Variants in TRIM55 observed in about 807,000 individuals in gnomAD.
TRIM55 encodes tripartite motif containing 55, also known as tripartite motif-containing protein 55.
TRIM55 carries 50 observed loss-of-function variants against 60.9 expected under a neutral mutation model. That is an observed-to-expected ratio of 0.82 (90% CI 0.65 to 1.04). TRIM55 has a LOEUF of 1.04. Ranked by LOEUF, TRIM55 falls within the 50% of genes least tolerant of loss-of-function variation. The pLI is 0.00. For missense variants in TRIM55, 681 were observed against 666.9 expected (o/e 1.02, Z -0.23); for synonymous variants, 237 against 238.1 (o/e 1.00, Z 0.04).
the TRIM55 span, chr8:66,114,575 G>T: frequency 2.2e-6 from 1 of 456,340 alleles, no homozygotes; most frequent in East Asian, 6.9e-5. Flanking sequence ...CTCATCTGAG[G>T]CTAAGCTGCC....
intron 8 of TRIM55, 92 bp downstream of exon 8, chr8:66,152,719 A>C: frequency 3.4e-6 from 5 of 1,483,448 alleles, no homozygotes; most frequent in Non-Finnish European, 4.5e-6. Context: ...CCTTAAGAAA[A>C]AGATAACTAT....
At chr8:66,113,362 A>G in the TRIM55 span, 3 of 376,322 alleles carry the variant, frequency 8.0e-6, no homozygotes, top group East Asian at 7.4e-5. Flanking sequence ...ACACACGTAC[A>G]CGTCCCTTCG....
chr8:66,164,985 T>C (rs894654681), intron 9 of TRIM55, among the ~76,000 whole-genome samples: 2 of 151,492 alleles, frequency 1.3e-5, no homozygotes, highest in African/African-American at 2.4e-5. Flanking sequence ...AGGGGACTTA[T>C]GGTTTAAATG....
At chr8:66,139,726 T>C (rs1809693877) in intron 4 of TRIM55, among the ~76,000 whole-genome samples, 1 of 152,228 alleles carries the variant, frequency 6.6e-6, no homozygotes, top group Non-Finnish European at 1.5e-5. Flanking sequence ...ATGATGAGGC[T>C]GCAAATTATC....
intron 4 of TRIM55, among the ~76,000 whole-genome samples, chr8:66,144,738 C>T (rs1362358879): frequency 6.6e-6 from 1 of 152,186 alleles, no homozygotes; most frequent in Non-Finnish European, 1.5e-5. Flanking sequence ...CCTTTTTACT[C>T]AAGTAAATGA....
chr8:66,174,072 A>G (rs912050518), intron 9 of TRIM55, among the ~76,000 whole-genome samples: 1 of 152,072 alleles, frequency 6.6e-6, no homozygotes, highest in Non-Finnish European at 1.5e-5. Context: ...AGTGCCATTT[A>G]AATTTGGAAT....
chr8:66,152,030 A>G (rs897638013), intron 7 of TRIM55, among the ~76,000 whole-genome samples: 1 of 152,176 alleles, frequency 6.6e-6, no homozygotes. Flanking sequence ...TCTGACAGAG[A>G]TAAATAAGTG....
chr8:66,159,777 G>T (rs1204869896), intron 9 of TRIM55, among the ~76,000 whole-genome samples: 2 of 152,072 alleles, frequency 1.3e-5, no homozygotes, highest in Non-Finnish European at 2.9e-5. Context: ...GTTTTAATTT[G>T]CATTTTGACA....
chr8:66,139,598 C>A (rs1373407229), intron 4 of TRIM55, among the ~76,000 whole-genome samples: 1 of 152,062 alleles, frequency 6.6e-6, no homozygotes, highest in African/African-American at 2.4e-5. Context: ...CAGGGAAGGG[C>A]AGGATCATTA....
At chr8:66,156,822 G>A (rs542199879) in intron 9 of TRIM55, among the ~76,000 whole-genome samples, 1 of 152,216 alleles carries the variant, frequency 6.6e-6, no homozygotes, top group East Asian at 1.9e-4. Flanking sequence ...GTGTGAGCAG[G>A]ACCTGCCCAC....
intron 4 of TRIM55, among the ~76,000 whole-genome samples, chr8:66,138,466 T>C (rs960667389): frequency 2.0e-5 from 3 of 152,222 alleles, no homozygotes; most frequent in Admixed American, 6.5e-5. Flanking sequence ...CTTGGCTCCC[T>C]GCAACCTCCA....
intron 9 of TRIM55, among the ~76,000 whole-genome samples, chr8:66,160,893 T>TTGAGTTCCTTGTAGATTCTGGATA (rs1216708435): frequency 6.6e-6 from 1 of 151,868 alleles, no homozygotes; most frequent in Non-Finnish European, 1.5e-5. Flanking sequence ...GCTGATTTGT[T>TTGAGTTCCTTGTAGATTCTGGATA]TGAGTTCCTT....
rs533163792 is a variant in TRIM55 at position 66,154,283 on chromosome 8, G to T, written c.1473G>T (p.Glu491Asp). The T allele has an allele frequency of 1.1e-5, 18 of 1,614,162 alleles. No individual in the cohort carries two copies. In the East Asian group the frequency reaches 3.8e-4, roughly 34 times the overall value. Residue 491 changes from glutamate to aspartate, a missense_variant, in exon 9 of 10, where the codon GAG becomes GAT. Coordinates refer to ENST00000315962, the MANE Select transcript of TRIM55 (RefSeq NM_184085.2). ...AAGTGGCAGCAGCCGCAGCGAGTGA[G>T]AGGGCAGCTGTGAGTGGTAAGGAAA... ...KAEVAAAAAS[E>D]RAAVSGKETS...
Position 66,137,155 on chromosome 8 carries a change from A to T in TRIM55, c.568A>T (p.Ile190Phe). The change falls in exon 4 of 10, where the codon ATC (isoleucine) becomes TTC (phenylalanine). Residue 190 changes from isoleucine to phenylalanine, a missense_variant. By Grantham distance (21) the Ile-to-Phe change is conservative (BLOSUM62 0). Transcript: ENST00000315962. ...CAGCAACGATCGAGTCCAGGGAGTGATCAGCCAGCTGGAAGACACCTGCAA... is the reference window on the plus strand; with the variant it reads ...CAGCAACGATCGAGTCCAGGGAGTGTTCAGCCAGCTGGAAGACACCTGCAA... ...VGSNDRVQGV[I>F]SQLEDTCKTI... The T allele has an allele frequency of 6.2e-7, 1 of 1,614,144 alleles. No homozygotes were observed. Among genetic ancestry groups the T allele is most frequent in the Non-Finnish European group, 8.5e-7 (1 of 1,180,016 alleles).
chr8:66,173,477 G>A (rs966710246), intron 9 of TRIM55, among the ~76,000 whole-genome samples: 2 of 152,164 alleles, frequency 1.3e-5, no homozygotes, highest in African/African-American at 2.4e-5. Context: ...CATTCATATC[G>A]CAGCTTCATA....
At chr8:66,133,808 T>C (rs929284184) in intron 2 of TRIM55, among the ~76,000 whole-genome samples, 1 of 152,120 alleles carries the variant, frequency 6.6e-6, no homozygotes, top group African/African-American at 2.4e-5. Flanking sequence ...ATACCACACA[T>C]CAAAAAAGAT....
intron 8 of TRIM55, 77 bp from the exon 9 acceptor site, chr8:66,153,970 A>T: frequency 7.0e-7 from 1 of 1,426,060 alleles, no homozygotes. Context: ...ACCCAAAGGG[A>T]ACTAAAATCA....
intron 4 of TRIM55, 23 bp downstream of exon 4, chr8:66,137,213 C>T (rs368391324): frequency 3.1e-6 from 5 of 1,589,614 alleles, no homozygotes; most frequent in Admixed American, 1.7e-5. Flanking sequence ...ACTCCCACAG[C>T]GTCTCAACCA....
intron 2 of TRIM55, among the ~76,000 whole-genome samples, chr8:66,129,868 C>T (rs566369423): frequency 1.2e-4 from 19 of 152,326 alleles, no homozygotes; most frequent in African/African-American, 4.6e-4. Context: ...AGTTTCAGTG[C>T]TAGTCCAGTG....
Sources: allele counts gnomAD v4.1 joint callset (sites outside exome capture counted in the v4.1 genomes callset), GRCh38; gene constraint gnomAD v4.1.1; transcripts MANE v1.5; gene names NCBI Gene and HGNC (gene_info 2026-07-23, HGNC 2026-07-21).